The following BBS9 variants were observed in gnomAD, a reference collection of about 807,000 sequenced individuals.
The protein encoded by BBS9 is protein PTHB1.
BBS9 carries 89 observed loss-of-function variants against 117.7 expected under a neutral mutation model. The ratio of observed to expected loss-of-function variants is 0.76; its 90% CI spans 0.64 to 0.90. BBS9 has a LOEUF of 0.90. Ranked by LOEUF, BBS9 falls within the 40% of genes least tolerant of loss-of-function variation. The probability of loss-of-function intolerance (pLI) is 0.00; values close to 1 mark genes in which losing one functional copy is unlikely to be tolerated. For missense variants in BBS9, 982 were observed against 1,042.2 expected, an observed-to-expected ratio of 0.94 and a Z score of 0.80; for synonymous variants, 379 against 370.9, an observed-to-expected ratio of 1.02 and a Z score of -0.25.
chr7:33,463,877 G>T (rs1296313542), intron 19 of BBS9, among the ~76,000 whole-genome samples: 4 of 152,142 alleles, frequency 2.6e-5, no homozygotes, highest in Non-Finnish European at 5.9e-5. Flanking sequence ...TATGTTTTAT[G>T]TGGGTATATG....
chr7:33,222,792 TA>T (rs947609820), intron 5 of BBS9, among the ~76,000 whole-genome samples: 1 of 150,102 alleles, frequency 6.7e-6, no homozygotes, highest in African/African-American at 2.5e-5. Flanking sequence ...CTACTAAAAA[TA>T]AAAAAAAATA....
intron 9 of BBS9, among the ~76,000 whole-genome samples, chr7:33,282,033 T>C (rs1010798684): frequency 8.1e-4 from 123 of 152,198 alleles, no homozygotes; most frequent in African/African-American, 2.7e-3. Context: ...AGATTGGTCT[T>C]GAACTCCTAG....
intron 9 of BBS9, among the ~76,000 whole-genome samples, chr7:33,292,077 A>G (rs1358107226): frequency 2.0e-5 from 3 of 152,200 alleles, no homozygotes; most frequent in Non-Finnish European, 4.4e-5. Flanking sequence ...TGAGTGAATG[A>G]ATGAATGAAT....
chr7:33,515,732 T>C (rs1414500686), intron 20 of BBS9, among the ~76,000 whole-genome samples: 1 of 152,252 alleles, frequency 6.6e-6, no homozygotes, highest in East Asian at 1.9e-4. Context: ...TAGTGATCTC[T>C]GTGCGTGTCT....
At chr7:33,529,266 C>T (rs1850188824) in intron 20 of BBS9, among the ~76,000 whole-genome samples, 1 of 152,188 alleles carries the variant, frequency 6.6e-6, no homozygotes, top group Non-Finnish European at 1.5e-5. Flanking sequence ...GGGATGCATA[C>T]AGCAGGCAAC....
At chr7:33,130,091 C>T (rs889179522) in intron 1 of BBS9, 50 bp downstream of exon 1, 7 of 152,088 alleles carry the variant, frequency 4.6e-5, no homozygotes, top group African/African-American at 1.5e-4. Context: ...ATACCCTTTC[C>T]ATGTTTTATT....
chr7:33,508,383 C>G lies in BBS9; in HGVS notation c.2298+2738C>G, dbSNP rs978949281. Among the ~76,000 whole-genome samples the G allele has an allele frequency of 3.3e-5, 5 of 152,158 alleles. No individual in the cohort carries two copies. In the East Asian group the frequency reaches 9.6e-4, roughly 29 times the overall value. ...TGCTTTGAACTCTGTTGCCTTCCTT[C>G]TTTATTCAAAATATGTCTGGTTCTC... is the stretch of plus-strand genomic sequence containing the variant. On this transcript the variant is annotated intron_variant, in intron 20 of 22. Transcript: ENST00000242067.
intron 11 of BBS9, among the ~76,000 whole-genome samples, chr7:33,343,361 T>C (rs938491597): frequency 1.3e-5 from 2 of 152,158 alleles, no homozygotes; most frequent in Non-Finnish European, 2.9e-5. Context: ...GTTTTATGTA[T>C]TATATTATAC....
chr7:33,145,473 T>C (rs563184276), intron 1 of BBS9, among the ~76,000 whole-genome samples: 1 of 152,300 alleles, frequency 6.6e-6, no homozygotes, highest in South Asian at 2.1e-4. Context: ...GTATAAATGG[T>C]CCTGCAGCCC....
intron 19 of BBS9, among the ~76,000 whole-genome samples, chr7:33,452,096 A>C (rs1837967290): frequency 6.6e-6 from 1 of 152,138 alleles, no homozygotes; most frequent in East Asian, 1.9e-4. Flanking sequence ...AGCCTCCCCA[A>C]GTGCTGGAAT....
intron 21 of BBS9, among the ~76,000 whole-genome samples, chr7:33,545,388 C>T (rs7798741): frequency 0.47 from 70,504 of 151,452 alleles, 16,931 homozygotes; most frequent in South Asian, 0.58. Context: ...CTTTCTGCTG[C>T]TTCCTCTATC....
intron 19 of BBS9, among the ~76,000 whole-genome samples, chr7:33,440,987 C>T (rs926858551): frequency 3.9e-4 from 60 of 152,104 alleles, no homozygotes; most frequent in Non-Finnish European, 7.6e-4. Flanking sequence ...ATTGGTTATA[C>T]AGGTAGATAT....
At chr7:33,175,081 A>T (rs1797137774) in intron 4 of BBS9, among the ~76,000 whole-genome samples, 1 of 152,218 alleles carries the variant, frequency 6.6e-6, no homozygotes, top group Non-Finnish European at 1.5e-5. Context: ...AGGCGAGTGG[A>T]ACACCTGAGG....
chr7:33,347,396 T>C (rs1460877407), intron 12 of BBS9, among the ~76,000 whole-genome samples: 3 of 152,044 alleles, frequency 2.0e-5, no homozygotes, highest in African/African-American at 7.2e-5. Flanking sequence ...TTGCATGGTG[T>C]CTTCCTGCCA....
intron 5 of BBS9, among the ~76,000 whole-genome samples, chr7:33,239,642 C>T (rs1054044213): frequency 2.0e-5 from 3 of 152,096 alleles, no homozygotes; most frequent in Non-Finnish European, 4.4e-5. Context: ...GTTATGGCTT[C>T]TGATCTTTGT....
chr7:33,367,981 A>G, intron 17 of BBS9, 119 bp downstream of exon 17: 1 of 819,306 alleles, frequency 1.2e-6, no homozygotes, highest in Non-Finnish European at 2.1e-6. Flanking sequence ...TTCAGTAACT[A>G]AAAGCCATGA....
chr7:33,418,608 C>T (rs1035972683), intron 19 of BBS9, among the ~76,000 whole-genome samples: 2 of 152,170 alleles, frequency 1.3e-5, no homozygotes, highest in Admixed American at 1.3e-4. Flanking sequence ...GAATTGCAGG[C>T]TCCCTAGGTC....
At chr7:33,336,013 T>C (rs905593282) in intron 9 of BBS9, among the ~76,000 whole-genome samples, 2 of 152,202 alleles carry the variant, frequency 1.3e-5, no homozygotes, top group South Asian at 2.1e-4. Context: ...TCTTCACTCC[T>C]GTGCCTCCTT....
intron 21 of BBS9, among the ~76,000 whole-genome samples, chr7:33,619,905 G>T (rs990588179): frequency 2.0e-5 from 3 of 151,866 alleles, no homozygotes; most frequent in South Asian, 2.1e-4. Flanking sequence ...AAATATGAAA[G>T]ATTTTAAATA....
Sources: gnomAD v4.1 joint callset for allele counts (sites outside exome capture counted in the v4.1 genomes callset) on GRCh38, gnomAD v4.1.1 for gene constraint, MANE v1.5 for transcripts, NCBI Gene and HGNC (gene_info 2026-07-23, HGNC 2026-07-21) for gene names.